Variants in TP63 observed in about 807,000 individuals in gnomAD.
TP63 encodes tumor protein p63, also known as tumor protein 63.
Under a neutral mutation model 82.8 loss-of-function variants are expected in TP63, and 17 were observed. That is an observed-to-expected ratio of 0.21 (90% CI 0.14 to 0.31). The LOEUF (loss-of-function observed/expected upper bound fraction) is 0.31, where lower values mean the gene tolerates loss of function less well. Ranked by LOEUF, TP63 falls within the 10% of genes least tolerant of loss-of-function variation. The pLI, the probability that TP63 is intolerant of heterozygous loss-of-function variation, is 1.00. For missense variants in TP63, 648 were observed against 895.3 expected, an observed-to-expected ratio of 0.72 and a Z score of 3.52; for synonymous variants, 330 against 321.7, an observed-to-expected ratio of 1.03 and a Z score of -0.28.
intron 3 of TP63, among the ~76,000 whole-genome samples, chr3:189,785,873 T>C (rs145392304): frequency 6.6e-6 from 1 of 152,186 alleles, no homozygotes; most frequent in East Asian, 1.9e-4. Flanking sequence ...CATTGCTGTA[T>C]GTTCCTTTTT....
intron 12 of TP63, 42 bp downstream of exon 12, chr3:189,889,526 TC>T (rs34681406): frequency 6.2e-7 from 1 of 1,613,838 alleles, no homozygotes. Context: ...GCCCTAAGCA[TC>T]CCGGGATGGT....
chr3:189,646,791 G>A (rs574698782), intron 1 of TP63, among the ~76,000 whole-genome samples: 2 of 147,290 alleles, frequency 1.4e-5, no homozygotes, highest in Admixed American at 6.7e-5. Context: ...CTGGTTTGAG[G>A]CTACACGTAG....
chr3:189,874,756 T>C (rs527384234), intron 10 of TP63, among the ~76,000 whole-genome samples: 14 of 152,272 alleles, frequency 9.2e-5, no homozygotes, highest in African/African-American at 3.4e-4. Flanking sequence ...ATTTAGTTCT[T>C]ATAAAACCAT....
chr3:189,771,963 G>T (rs1723413258), intron 3 of TP63, among the ~76,000 whole-genome samples: 1 of 152,142 alleles, frequency 6.6e-6, no homozygotes, highest in Admixed American at 6.5e-5. Context: ...TGTTGAGCAT[G>T]GCAGAGTGAT....
chr3:189,690,183 A>G (rs1213370750), intron 1 of TP63, among the ~76,000 whole-genome samples: 1 of 152,200 alleles, frequency 6.6e-6, no homozygotes, highest in African/African-American at 2.4e-5. Context: ...GTAGAATGTA[A>G]TATCATGCTT....
chr3:189,794,719 C>T (rs769174446), intron 3 of TP63, among the ~76,000 whole-genome samples: 3 of 151,932 alleles, frequency 2.0e-5, no homozygotes, highest in Non-Finnish European at 4.4e-5. Flanking sequence ...GGAAGGATTT[C>T]GAACAGAAGA....
chr3:189,716,190 C>T (rs577173539), intron 1 of TP63, among the ~76,000 whole-genome samples: 12 of 152,248 alleles, frequency 7.9e-5, no homozygotes, highest in South Asian at 6.2e-4. Flanking sequence ...TCAATGCATC[C>T]GTTACTGACC....
chr3:189,617,184 C>T, the TP63 span, among the ~76,000 whole-genome samples: 3 of 152,184 alleles, frequency 2.0e-5, no homozygotes, highest in Admixed American at 6.5e-5. Context: ...TGTATACTAG[C>T]CATCTATTGT....
intron 4 of TP63, among the ~76,000 whole-genome samples, chr3:189,825,566 A>G (rs1411476610): frequency 1.3e-5 from 2 of 152,220 alleles, no homozygotes; most frequent in Admixed American, 1.3e-4. Context: ...TTAAAAATAA[A>G]ATAACAGAAT....
At position 189,776,795 on chromosome 3, in the gene TP63, G is replaced by C. The variant is rs536456885; in HGVS notation, c.325-31477G>C. ...AGGGTCAGAGGGTAAATGCTGTTGT[G>C]ACAGTTGGGTGGACTTGGCACACTT... is the stretch of plus-strand genomic sequence containing the variant. On this transcript the variant is annotated intron_variant, in intron 3 of 13. Transcript: ENST00000264731. Among the ~76,000 whole-genome samples the C allele has an allele frequency of 1.8e-4, 28 of 152,308 alleles. 1 individual carries two copies. Among genetic ancestry groups the C allele is most frequent in the Non-Finnish European group, 3.7e-4 (25 of 68,022 alleles).
rs910874361 is a variant in TP63 at position 189,638,858 on chromosome 3, C to T, written c.62+7281C>T. On this transcript the variant is annotated intron_variant, in intron 1 of 13. Transcript: ENST00000264731. ...TTTTTATCAGACACTCCAGATGATT[C>T]GTTGGTTTGCACACCCAGTTTTGAA... Among the ~76,000 whole-genome samples, 3 of 152,182 alleles carry T rather than the reference C, an allele frequency of 2.0e-5. No homozygotes were observed. The East Asian group carries it at 5.8e-4, about 30-fold the overall frequency.
intron 9 of TP63, 96 bp from the exon 10 acceptor site, chr3:189,872,762 TG>T: frequency 1.3e-6 from 2 of 1,544,404 alleles, no homozygotes; most frequent in Middle Eastern, 1.8e-4. Context: ...ATAAACAAAT[TG>T]CAATTACGGA....
intron 3 of TP63, among the ~76,000 whole-genome samples, chr3:189,744,236 C>T (rs1362115548): frequency 6.6e-6 from 1 of 152,174 alleles, no homozygotes; most frequent in African/African-American, 2.4e-5. Context: ...AATCTCACTG[C>T]CCGCAGCTGC....
At chr3:189,628,709 A>G (rs936833039), upstream of TP63, among the ~76,000 whole-genome samples, 2 of 152,184 alleles carry the variant, frequency 1.3e-5, no homozygotes, top group African/African-American at 4.8e-5. Flanking sequence ...CATCAAAGAT[A>G]TAATTCATGC....
intron 1 of TP63, among the ~76,000 whole-genome samples, chr3:189,713,979 CA>C (rs1718779119): frequency 2.0e-5 from 3 of 151,946 alleles, no homozygotes; most frequent in African/African-American, 7.2e-5. Flanking sequence ...TCATTCTCTC[CA>C]AAGTACGGTT....
rs967949507 is a variant in TP63 at position 189,729,345 on chromosome 3, G to A, written c.63-8395G>A. ...TAGAACTTTAATGGGAGAAATTCGCGGTTGGACTGCACAGTAAAAGGTCAT... is the reference window on the plus strand; with the variant it reads ...TAGAACTTTAATGGGAGAAATTCGCAGTTGGACTGCACAGTAAAAGGTCAT... On this transcript the variant is annotated intron_variant, in intron 1 of 13. Transcript: ENST00000264731. Among the ~76,000 whole-genome samples the A allele has an allele frequency of 2.0e-5, 3 of 152,120 alleles. No homozygotes were observed. The East Asian group carries it at 5.8e-4, about 29-fold the overall frequency.
intron 1 of TP63, among the ~76,000 whole-genome samples, chr3:189,672,662 AAAGAAGGAAGGAAG>A (rs1715010041): frequency 2.9e-5 from 3 of 102,990 alleles, no homozygotes; most frequent in African/African-American, 1.0e-4. Context: ...GGAAGGAAGG[AAAGAAGGAAGGAAG>A]GAAGGAAGGA....
intron 1 of TP63, among the ~76,000 whole-genome samples, chr3:189,672,670 A>AGGAAGGAAGGAAAGG (rs1715015746): frequency 3.2e-5 from 2 of 62,674 alleles, no homozygotes; most frequent in African/African-American, 9.8e-5. Context: ...GGAAAGAAGG[A>AGGAAGGAAGGAAAGG]AGGAAGGAAG....
intron 1 of TP63, among the ~76,000 whole-genome samples, chr3:189,666,291 A>G (rs1714385335): frequency 6.6e-6 from 1 of 152,092 alleles, no homozygotes; most frequent in Non-Finnish European, 1.5e-5. Flanking sequence ...GTGACCCTTT[A>G]ACAGAGAAAC....
Sources: gnomAD v4.1 joint callset for allele counts (sites outside exome capture counted in the v4.1 genomes callset) on GRCh38, gnomAD v4.1.1 for gene constraint, MANE v1.5 for transcripts, NCBI Gene and HGNC (gene_info 2026-07-23, HGNC 2026-07-21) for gene names.